The following ADARB2 variants were observed in gnomAD, a reference collection of about 807,000 sequenced individuals.
ADARB2 encodes inactive double-stranded RNA-specific editase B2.
Under a neutral mutation model 62.2 loss-of-function variants are expected in ADARB2, and 25 were observed. That is an observed-to-expected ratio of 0.40 (90% CI 0.29 to 0.56). The LOEUF is 0.56. Ranked by LOEUF, ADARB2 falls within the 20% of genes least tolerant of loss-of-function variation. ADARB2 has a pLI of 0.43. For synonymous variants in ADARB2, 572 were observed against 500.8 expected (o/e 1.14, Z -1.90); for missense variants, 1,071 against 1,077.4 (o/e 0.99, Z 0.08).
At position 1,400,574 on chromosome 10, in the gene ADARB2, AG is replaced by A. The variant is rs199706112; in HGVS notation, c.101-21415del. Among the ~76,000 whole-genome samples the A allele has an allele frequency of 1.8e-3, 267 of 152,136 alleles. 3 individuals are homozygous for A. In the East Asian group the frequency reaches 0.024, roughly 14 times the overall value. On this transcript the variant is annotated intron_variant, in intron 1 of 9. Coordinates refer to ENST00000381312, the MANE Select transcript of ADARB2 (RefSeq NM_018702.4). ...TAAAACTGGTTAATTTAGTTTCAGG[AG>A]TGTTTTCCCACCTGATGCCAGGCCT...
chr10:1,338,605 T>C (rs1831995066), intron 3 of ADARB2, among the ~76,000 whole-genome samples: 1 of 152,198 alleles, frequency 6.6e-6, no homozygotes, highest in Non-Finnish European at 1.5e-5. Context: ...GACCAGCTAG[T>C]TCTCAATTAG....
At chr10:1,379,050 C>T in intron 2 of ADARB2, 24 bp downstream of exon 2, 5 of 1,595,932 alleles carry the variant, frequency 3.1e-6, no homozygotes, top group African/African-American at 1.3e-5. Context: ...CCTTTGTGTA[C>T]TTCGGGGAAG....
intron 1 of ADARB2, among the ~76,000 whole-genome samples, chr10:1,546,114 T>G (rs1188574273): frequency 6.6e-6 from 1 of 152,110 alleles, no homozygotes; most frequent in African/African-American, 2.4e-5. Context: ...TGTGACCACC[T>G]GCTGCCTGTT....
At chr10:1,270,448 C>T (rs1441196249) in intron 4 of ADARB2, among the ~76,000 whole-genome samples, 3 of 152,174 alleles carry the variant, frequency 2.0e-5, no homozygotes, top group Admixed American at 6.5e-5. Flanking sequence ...GTTGGTGGCT[C>T]GTTGTTTCCA....
At chr10:1,490,569 C>T (rs1278889678) in intron 1 of ADARB2, among the ~76,000 whole-genome samples, 1 of 152,136 alleles carries the variant, frequency 6.6e-6, no homozygotes, top group African/African-American at 2.4e-5. Flanking sequence ...ATTCTCCTGC[C>T]TCAGCTTCCC....
chr10:1,378,038 C>T (rs1046132442), intron 2 of ADARB2, among the ~76,000 whole-genome samples: 2 of 152,172 alleles, frequency 1.3e-5, no homozygotes, highest in Admixed American at 6.5e-5. Context: ...GTGTGCTGAC[C>T]TCTTCCTGGT....
chr10:1,200,834 A>G (rs1468080529), intron 7 of ADARB2, among the ~76,000 whole-genome samples: 6 of 152,192 alleles, frequency 3.9e-5, no homozygotes. Context: ...ACTCTAAATA[A>G]TGTGCTTAAA....
rs186100802 is a variant in ADARB2, at chr10:1,298,569, T to G, written c.1078-27500A>C. ...TCATAGAGACAGGCAGTAGCCAAACTGAGGCAAGGAAGGGCCTCTTTTTTG... is the reference window on the plus strand; with the variant it reads ...TCATAGAGACAGGCAGTAGCCAAACGGAGGCAAGGAAGGGCCTCTTTTTTG... On this transcript the variant is annotated intron_variant, in intron 3 of 9. Coordinates refer to ENST00000381312, the MANE Select transcript of ADARB2 (RefSeq NM_018702.4). Among the ~76,000 whole-genome samples the G allele has an allele frequency of 5.7e-3, 874 of 152,252 alleles. 5 individuals carry two copies. The highest frequency in any genetic ancestry group is 0.02 in the African/African-American group (821 of 41,534).
At chr10:1,243,256 C>G (rs1830944856) in intron 4 of ADARB2, among the ~76,000 whole-genome samples, 1 of 152,236 alleles carries the variant, frequency 6.6e-6, no homozygotes, top group African/African-American at 2.4e-5. Context: ...GGATCGCAGG[C>G]CAAGGGAGGG....
intron 1 of ADARB2, among the ~76,000 whole-genome samples, chr10:1,683,092 T>C (rs1353395181): frequency 2.0e-5 from 3 of 152,216 alleles, no homozygotes; most frequent in Admixed American, 1.3e-4. Flanking sequence ...CTTTTCATGC[T>C]TTACTTATGG....
At chr10:1,410,658 T>G (rs1212462584) in intron 1 of ADARB2, among the ~76,000 whole-genome samples, 2 of 152,306 alleles carry the variant, frequency 1.3e-5, no homozygotes, top group Non-Finnish European at 1.5e-5. Flanking sequence ...CTGCCTCTCC[T>G]CGGTGTCTGC....
chr10:1,248,170 C>T (rs1589164967), intron 4 of ADARB2, among the ~76,000 whole-genome samples: 1 of 152,270 alleles, frequency 6.6e-6, no homozygotes, highest in African/African-American at 2.4e-5. Flanking sequence ...TCCAGCTGAC[C>T]AAACAGGAAG....
At chr10:1,725,254 G>T (rs968207002) in intron 1 of ADARB2, among the ~76,000 whole-genome samples, 1 of 152,144 alleles carries the variant, frequency 6.6e-6, no homozygotes, top group African/African-American at 2.4e-5. Flanking sequence ...GTGAGTAAAG[G>T]GGCACGTCCC....
intron 1 of ADARB2, among the ~76,000 whole-genome samples, chr10:1,567,479 C>A (rs1008020990): frequency 6.6e-6 from 1 of 152,144 alleles, no homozygotes; most frequent in Non-Finnish European, 1.5e-5. Flanking sequence ...GCCAGGGGAC[C>A]CTCACTGGCC....
intron 3 of ADARB2, among the ~76,000 whole-genome samples, chr10:1,320,598 T>G (rs1290705405): frequency 6.6e-6 from 1 of 152,216 alleles, no homozygotes; most frequent in Non-Finnish European, 1.5e-5. Flanking sequence ...AACAACTATC[T>G]GCAAAGTGAG....
chr10:1,576,036 C>T (rs1431350729), intron 1 of ADARB2, among the ~76,000 whole-genome samples: 4 of 18,338 alleles, frequency 2.2e-4, no homozygotes, highest in East Asian at 2.0e-3. Context: ...CAGGGCCACT[C>T]GGCGGGGGGG....
chr10:1,421,737 C>T (rs1832854111), intron 1 of ADARB2, among the ~76,000 whole-genome samples: 1 of 152,070 alleles, frequency 6.6e-6, no homozygotes, highest in Admixed American at 6.6e-5. Flanking sequence ...TAAGATTCAC[C>T]CCATTGCCTC....
intron 1 of ADARB2, among the ~76,000 whole-genome samples, chr10:1,637,117 C>A (rs941915101): frequency 2.5e-4 from 38 of 152,148 alleles, no homozygotes; most frequent in African/African-American, 7.2e-4. Flanking sequence ...GATGTAGACA[C>A]ACTGAAGGAA....
intron 1 of ADARB2, among the ~76,000 whole-genome samples, chr10:1,550,199 C>G (rs1324168932): frequency 1.3e-5 from 2 of 152,190 alleles, no homozygotes; most frequent in Non-Finnish European, 2.9e-5. Flanking sequence ...CTCCACTGTA[C>G]TCGGAAAACA....
Sources: allele counts gnomAD v4.1 joint callset (sites outside exome capture counted in the v4.1 genomes callset), GRCh38; gene constraint gnomAD v4.1.1; transcripts MANE v1.5; gene names NCBI Gene and HGNC (gene_info 2026-07-23, HGNC 2026-07-21).